The following RGS7 variants were observed in gnomAD, a reference collection of about 807,000 sequenced individuals.
RGS7 encodes regulator of G protein signaling 7.
A neutral mutation model predicts 81.1 loss-of-function variants in RGS7; 27 were observed. The observed-to-expected ratio is 0.33, with a 90% confidence interval of 0.25 to 0.46. The LOEUF is 0.46. Among genes scored for constraint, RGS7 ranks in the 20% least tolerant of loss-of-function variants. The pLI is 1.00. For synonymous variants in RGS7, 208 were observed against 207.7 expected, an observed-to-expected ratio of 1.00 and a Z score of -0.01; for missense variants, 396 against 607.4, an observed-to-expected ratio of 0.65 and a Z score of 3.66.
intron 14 of RGS7, among the ~76,000 whole-genome samples, 192 bp downstream of exon 14, chr1:240,811,726 A>G (rs1351558869): frequency 1.3e-5 from 2 of 152,252 alleles, no homozygotes; most frequent in Non-Finnish European, 2.9e-5. Context: ...AAAATAAGTT[A>G]TAAGAAATTG....
chr1:241,239,375 A>G (rs1206443173), intron 2 of RGS7, among the ~76,000 whole-genome samples: 2 of 152,104 alleles, frequency 1.3e-5, no homozygotes, highest in Non-Finnish European at 2.9e-5. Flanking sequence ...TCCTGGTCCA[A>G]TGTGGATCCC....
chr1:241,093,553 C>A (rs1437463300), intron 3 of RGS7, among the ~76,000 whole-genome samples: 2 of 152,040 alleles, frequency 1.3e-5, no homozygotes, highest in South Asian at 2.1e-4. Flanking sequence ...CCAGCAGACA[C>A]CAATCCCATA....
intron 2 of RGS7, among the ~76,000 whole-genome samples, chr1:241,263,382 T>C (rs2077432458): frequency 6.6e-6 from 1 of 152,176 alleles, no homozygotes; most frequent in South Asian, 2.1e-4. Flanking sequence ...GCCCTGTCTC[T>C]GGGGAACATG....
intron 9 of RGS7, among the ~76,000 whole-genome samples, chr1:240,850,652 C>A (rs562655477): frequency 1.3e-5 from 2 of 152,218 alleles, no homozygotes; most frequent in Middle Eastern, 6.8e-3. Flanking sequence ...ATGTTGGAAG[C>A]TGAGATAGGA....
At chr1:240,968,959 ACC>A (rs2148501329) in intron 4 of RGS7, among the ~76,000 whole-genome samples, 1 of 152,306 alleles carries the variant, frequency 6.6e-6, no homozygotes, top group African/African-American at 2.4e-5. Flanking sequence ...AATAAGAAAT[ACC>A]GCATTATCTT....
intron 6 of RGS7, chr1:240,920,046 G>T: frequency 9.1e-7 from 1 of 1,093,474 alleles, no homozygotes; most frequent in South Asian, 1.2e-5. Context: ...AAAAATTGAA[G>T]GGATTGAAAT....
intron 2 of RGS7, among the ~76,000 whole-genome samples, chr1:241,224,635 C>T (rs1394160806): frequency 6.6e-6 from 1 of 152,120 alleles, no homozygotes; most frequent in Admixed American, 6.6e-5. Flanking sequence ...TACTAGGAGG[C>T]TAACTTTGAG....
At chr1:241,040,968 G>T (rs1244193341) in intron 3 of RGS7, among the ~76,000 whole-genome samples, 1 of 152,188 alleles carries the variant, frequency 6.6e-6, no homozygotes, top group Non-Finnish European at 1.5e-5. Flanking sequence ...TATCCAAGAA[G>T]AGTGTGTACG....
intron 18 of RGS7, among the ~76,000 whole-genome samples, chr1:240,796,388 G>A (rs150534735): frequency 1.3e-3 from 196 of 152,178 alleles, no homozygotes; most frequent in African/African-American, 4.4e-3. Flanking sequence ...GAGTTACAGA[G>A]TTAAAAACAG....
chr1:241,275,152 C>T (rs1443840871), intron 2 of RGS7, among the ~76,000 whole-genome samples: 3 of 152,150 alleles, frequency 2.0e-5, no homozygotes, highest in Non-Finnish European at 2.9e-5. Flanking sequence ...CTGAATATAG[C>T]TGGCCCCTGT....
At chr1:240,787,009 A>C (rs1685188855) in intron 18 of RGS7, among the ~76,000 whole-genome samples, 2 of 152,176 alleles carry the variant, frequency 1.3e-5, no homozygotes, top group South Asian at 4.1e-4. Flanking sequence ...ACATTCTGTC[A>C]AATTCTATTC....
chr1:240,992,040 T>A (rs566957925), intron 3 of RGS7, among the ~76,000 whole-genome samples: 146 of 152,304 alleles, frequency 9.6e-4, no homozygotes, highest in African/African-American at 3.4e-3. Flanking sequence ...AGTTGCTGTA[T>A]CTGTTGACAG....
Position 240,933,559 on chromosome 1 carries a change from TAGG to T in RGS7, c.334-2794_334-2792del, listed in dbSNP as rs550681828. 6.9e-4 allele frequency among the ~76,000 whole-genome samples: 104 copies of T among 151,468 alleles called. 1 individual carries two copies. The highest frequency in any genetic ancestry group is 6.4e-3 in the South Asian group (31 of 4,820). On this transcript the variant is annotated intron_variant, in intron 5 of 18. Transcript: ENST00000440928. ...TTTTGATCTGTAGTAAACGATAATATAGGAGAACAACAAACTCTTACAGTTTTT... is the reference window on the plus strand; with the variant it reads ...TTTTGATCTGTAGTAAACGATAATATAGAACAACAAACTCTTACAGTTTTT...
intron 6 of RGS7, among the ~76,000 whole-genome samples, chr1:240,919,317 C>T (rs1291864143): frequency 2.0e-5 from 3 of 151,980 alleles, no homozygotes; most frequent in South Asian, 2.1e-4. Flanking sequence ...AACATAGATG[C>T]AAAAACCACC....
At chr1:241,278,090 T>G (rs983736763) in intron 2 of RGS7, among the ~76,000 whole-genome samples, 1 of 152,214 alleles carries the variant, frequency 6.6e-6, no homozygotes, top group Non-Finnish European at 1.5e-5. Flanking sequence ...CCTGCCATAT[T>G]TTCAATAATC....
At chr1:241,004,777 T>G (rs1021281214) in intron 3 of RGS7, among the ~76,000 whole-genome samples, 1 of 152,168 alleles carries the variant, frequency 6.6e-6, no homozygotes, top group African/African-American at 2.4e-5. Context: ...CTCTCTGGAC[T>G]GGGGGTCTTA....
rs374423156 is a variant in RGS7 at position 240,936,699 on chromosome 1, C to T, written c.234G>A (p.Ala78=). 18 of 1,612,194 alleles carry T rather than the reference C, an allele frequency of 1.1e-5. No homozygotes were observed. The highest frequency in any genetic ancestry group is 5.3e-5 in the African/African-American group (4 of 75,018). The change falls in exon 5 of 19, where the codon GCG becomes GCA. Residue 78 remains alanine, a synonymous_variant. Coordinates refer to ENST00000440928, the MANE Select transcript of RGS7 (RefSeq NM_001364886.1). The part of the protein sequence containing the change: ...KNLTIEDPVE[A]LHLGTLMAAH... Reference sequence around the variant, plus strand: ...CAGCCATTAATGTTCCCAAATGGAGCGCCTCCACTGTTTTATGAAAACAAA... The same window carrying T: ...CAGCCATTAATGTTCCCAAATGGAGTGCCTCCACTGTTTTATGAAAACAAA...
chr1:240,911,333 C>T (rs933557371), intron 6 of RGS7, among the ~76,000 whole-genome samples: 1 of 152,140 alleles, frequency 6.6e-6, no homozygotes, highest in African/African-American at 2.4e-5. Context: ...TTTGCTTCTT[C>T]ACCTCTCATC....
chr1:241,261,268 T>C (rs1254422801), intron 2 of RGS7, among the ~76,000 whole-genome samples: 2 of 152,036 alleles, frequency 1.3e-5, no homozygotes, highest in African/African-American at 2.4e-5. Context: ...GGTAAGTGGA[T>C]GCGGCTGGGA....
Sources: gnomAD v4.1 joint callset for allele counts (sites outside exome capture counted in the v4.1 genomes callset) on GRCh38, gnomAD v4.1.1 for gene constraint, MANE v1.5 for transcripts, NCBI Gene and HGNC (gene_info 2026-07-23, HGNC 2026-07-21) for gene names.